The following ULK4 variants were observed in gnomAD, a reference collection of about 807,000 sequenced individuals.
ULK4 encodes inactive serine/threonine-protein kinase ULK4.
ULK4 carries 133 observed loss-of-function variants against 160.6 expected under a neutral mutation model. That is an observed-to-expected ratio of 0.83 (90% CI 0.72 to 0.96). The LOEUF is 0.96. Among genes scored for constraint, ULK4 ranks in the 40% least tolerant of loss-of-function variants. The pLI is 0.00. For synonymous variants in ULK4, 534 were observed against 539.8 expected, an observed-to-expected ratio of 0.99 and a Z score of 0.15; for missense variants, 1,580 against 1,499.5, an observed-to-expected ratio of 1.05 and a Z score of -0.89.
chr3:41,961,715 G>A (rs1700680439), intron 1 of ULK4, among the ~76,000 whole-genome samples: 1 of 152,156 alleles, frequency 6.6e-6, no homozygotes, highest in African/African-American at 2.4e-5. Context: ...GTTAAGAGAT[G>A]GCGTCCATAA....
chr3:41,864,445 C>T (rs1469255351), intron 17 of ULK4, among the ~76,000 whole-genome samples: 2 of 152,050 alleles, frequency 1.3e-5, no homozygotes, highest in South Asian at 2.1e-4. Context: ...GAGTGCTCAC[C>T]GGATTTTTGG....
At chr3:41,919,089 C>T (rs572836469) in intron 6 of ULK4, among the ~76,000 whole-genome samples, 158 of 152,250 alleles carry the variant, frequency 1.0e-3, no homozygotes, top group African/African-American at 3.4e-3. Context: ...CTACTATGAA[C>T]CAATGGGTGC....
chr3:41,387,386 A>G (rs908726332), intron 35 of ULK4, among the ~76,000 whole-genome samples: 2 of 151,320 alleles, frequency 1.3e-5, no homozygotes, highest in Non-Finnish European at 1.5e-5. Context: ...TTTTTATATC[A>G]TTATACTTTA....
chr3:41,961,773 CACCCAGGTCCT>C (rs1700682892), intron 1 of ULK4, among the ~76,000 whole-genome samples: 1 of 152,228 alleles, frequency 6.6e-6, no homozygotes, highest in South Asian at 2.1e-4. Context: ...CTCCCCGCTG[CACCCAGGTCCT>C]AGAAGAGGCG....
chr3:41,754,294 C>G, intron 22 of ULK4, 67 bp downstream of exon 22: 1 of 1,520,126 alleles, frequency 6.6e-7, no homozygotes, highest in Admixed American at 2.1e-5. Context: ...CAAGAAATAC[C>G]CTACAACTAC....
At chr3:41,669,680 T>A (rs761585951) in intron 29 of ULK4, among the ~76,000 whole-genome samples, 1 of 152,184 alleles carries the variant, frequency 6.6e-6, no homozygotes, top group Non-Finnish European at 1.5e-5. Context: ...TAATGTAAAA[T>A]ACTGGGGAAC....
At chr3:41,247,521 A>C (rs1197031282) in intron 36 of ULK4, among the ~76,000 whole-genome samples, 26 of 152,116 alleles carry the variant, frequency 1.7e-4, no homozygotes, top group Admixed American at 1.7e-3. Context: ...AGCAAAGAAA[A>C]GACTGAAACC....
chr3:41,777,788 T>C (rs1196526530), intron 21 of ULK4, among the ~76,000 whole-genome samples: 3 of 132,348 alleles, frequency 2.3e-5, no homozygotes, highest in South Asian at 4.8e-4. Flanking sequence ...GTCTGAGAGA[T>C]AGTTTGTTAT....
chr3:41,897,046 A>C, intron 14 of ULK4, 43 bp from the exon 15 acceptor site: 1 of 1,515,528 alleles, frequency 6.6e-7, no homozygotes, highest in Non-Finnish European at 9.0e-7. Context: ...TGATGAGAAA[A>C]AGAACTGCTG....
chr3:41,750,517 G>A (rs374715246), intron 22 of ULK4, among the ~76,000 whole-genome samples: 1 of 152,074 alleles, frequency 6.6e-6, no homozygotes, highest in Middle Eastern at 3.2e-3. Flanking sequence ...TTTGCCACCT[G>A]CTCTGAATGG....
chr3:41,831,710 C>T (rs2041596257), intron 18 of ULK4, among the ~76,000 whole-genome samples: 1 of 151,862 alleles, frequency 6.6e-6, no homozygotes, highest in South Asian at 2.1e-4. Context: ...GCTCCCCATC[C>T]CCTGACAGGC....
intron 35 of ULK4, among the ~76,000 whole-genome samples, chr3:41,266,369 C>A (rs1216088657): frequency 6.6e-6 from 1 of 152,170 alleles, no homozygotes; most frequent in Non-Finnish European, 1.5e-5. Context: ...CTAGAAAAGC[C>A]TCAGGCTGGC....
At chr3:41,704,315 G>C (rs1188044802) in intron 27 of ULK4, among the ~76,000 whole-genome samples, 1 of 152,146 alleles carries the variant, frequency 6.6e-6, no homozygotes, top group Admixed American at 6.5e-5. Context: ...CAGTGAGAGG[G>C]GCAGGGGTGG....
chr3:41,764,675 C>T (rs17280777), intron 21 of ULK4, among the ~76,000 whole-genome samples: 18,854 of 152,204 alleles, frequency 0.12, 1,349 homozygotes, highest in Middle Eastern at 0.27. Flanking sequence ...GGCAGTATAA[C>T]ATGCTGGCAA....
chr3:41,733,710 T>C (rs1008771239), intron 22 of ULK4, among the ~76,000 whole-genome samples: 3 of 149,612 alleles, frequency 2.0e-5, no homozygotes, highest in Admixed American at 2.0e-4. Flanking sequence ...TGCCTTGAAT[T>C]CAACTAAACA....
At chr3:41,271,646 G>A (rs376292454) in intron 35 of ULK4, among the ~76,000 whole-genome samples, 24 of 151,682 alleles carry the variant, frequency 1.6e-4, no homozygotes, top group Middle Eastern at 3.4e-3. Context: ...CACCTGCCTC[G>A]GCCTCCCAAA....
rs184834798 is a variant in ULK4, at chr3:41,883,411, G to C, written c.1656+463C>G. On this transcript the variant is annotated intron_variant, in intron 17 of 36. Transcript: ENST00000301831. ...TATGCTGACTCTTGAGCCTCTCCCA[G>C]TTCAAGGGATAAAACTCCATTACCA... Among the ~76,000 whole-genome samples, 65 of 152,266 alleles carry C rather than the reference G, an allele frequency of 4.3e-4. 1 individual carries two copies. The highest frequency in any genetic ancestry group is 1.4e-3 in the African/African-American group (60 of 41,548).
rs201612646 is a variant in ULK4, at chr3:41,918,461, C to T, written c.723G>A (p.Pro241=). Residue 241 remains proline (P), a synonymous_variant, in exon 7 of 37, where the codon CCG becomes CCA. Coordinates refer to ENST00000301831, the MANE Select transcript of ULK4 (RefSeq NM_017886.4). ...ATTTATCATAAGAAATCTTACCTTTCGGAATAGGTGGCAAAGGATCTTCAC... is the reference window on the plus strand; with the variant it reads ...ATTTATCATAAGAAATCTTACCTTTTGGAATAGGTGGCAAAGGATCTTCAC... ...ILCEDPLPPI[P]KDSSRPKASS... 19 of 1,572,944 alleles carry T rather than the reference C, an allele frequency of 1.2e-5. No individual in the cohort carries two copies. The highest frequency in any genetic ancestry group is 7.4e-5 in the Admixed American group (4 of 54,084).
At chr3:41,625,234 T>C (rs1043422415) in intron 30 of ULK4, among the ~76,000 whole-genome samples, 3 of 152,210 alleles carry the variant, frequency 2.0e-5, no homozygotes, top group Non-Finnish European at 4.4e-5. Context: ...ATGTACTGAG[T>C]GGTAGCATAA....
Sources: gnomAD v4.1 joint callset for allele counts (sites outside exome capture counted in the v4.1 genomes callset) on GRCh38, gnomAD v4.1.1 for gene constraint, MANE v1.5 for transcripts, NCBI Gene and HGNC (gene_info 2026-07-23, HGNC 2026-07-21) for gene names.